The following PATJ variants were observed in gnomAD, a reference collection of about 807,000 sequenced individuals.
The protein encoded by PATJ is inaD-like protein.
Under a neutral mutation model 224.9 loss-of-function variants are expected in PATJ, and 190 were observed. The ratio of observed to expected loss-of-function variants is 0.84; its 90% CI spans 0.75 to 0.95. The LOEUF is 0.95. Ranked by LOEUF, PATJ falls within the 40% of genes least tolerant of loss-of-function variation. PATJ has a pLI of 0.00. For synonymous variants in PATJ, 769 were observed against 820.3 expected (o/e 0.94, Z 1.07); for missense variants, 2,121 against 2,270.3 (o/e 0.93, Z 1.34).
intron 27 of PATJ, among the ~76,000 whole-genome samples, chr1:61,942,061 C>T (rs1677898020): frequency 1.3e-5 from 2 of 152,066 alleles, no homozygotes; most frequent in Admixed American, 6.5e-5. Flanking sequence ...TTCATTTGGC[C>T]TTCTGGAGGT....
At chr1:62,036,619 CTT>C (rs1277888518) in intron 29 of PATJ, among the ~76,000 whole-genome samples, 2 of 151,962 alleles carry the variant, frequency 1.3e-5, no homozygotes, top group Non-Finnish European at 2.9e-5. Context: ...ATACAATAGT[CTT>C]TGAATTTAAG....
chr1:62,040,431 G>A (rs544944371), intron 30 of PATJ, among the ~76,000 whole-genome samples: 72 of 152,206 alleles, frequency 4.7e-4, no homozygotes, highest in South Asian at 2.1e-3. Flanking sequence ...AGTAGGAAGT[G>A]GGGAACTGGG....
intron 27 of PATJ, among the ~76,000 whole-genome samples, chr1:61,931,826 A>G (rs1338249592): frequency 6.6e-6 from 1 of 152,196 alleles, no homozygotes; most frequent in Non-Finnish European, 1.5e-5. Context: ...TAGTCATCAT[A>G]TAGATAAGGG....
At chr1:62,088,701 A>T (rs1462688731) in intron 33 of PATJ, among the ~76,000 whole-genome samples, 2 of 152,098 alleles carry the variant, frequency 1.3e-5, no homozygotes, top group East Asian at 1.9e-4. Context: ...CATGGCACAT[A>T]CCTTCTCCAA....
At position 61,766,383 on chromosome 1, in the gene PATJ, C is replaced by T. The variant is rs761709861; in HGVS notation, c.294C>T (p.Pro98=). The stretch of plus-strand genomic sequence containing the variant: ...TCACTAATGGAAATGTCCACAGGCC[C>T]TCTAATAACTCGACTGTATCTGGGT... ...GSITNGNVHR[P]SNNSTVSGLF... is the part of the protein sequence containing the mutation. Residue 98 remains proline, a synonymous_variant, in exon 4 of 44, where the codon CCC becomes CCT. Transcript: ENST00000642238. The T allele has an allele frequency of 5.0e-6, 8 of 1,611,716 alleles. No homozygotes were observed. The South Asian group carries it at 8.8e-5, about 18-fold the overall frequency.
In PATJ at chr1:61,927,842, T is replaced by G. The variant is rs769846720; in HGVS notation, c.3670+13T>G. ...GCCTTTACCGACCGTGAGTGCCTTTTCACTATTTAGGGTAGATGCAGAACT... is the reference window on the plus strand; with the variant it reads ...GCCTTTACCGACCGTGAGTGCCTTTGCACTATTTAGGGTAGATGCAGAACT... On this transcript the variant is annotated intron_variant, in intron 27 of 43. Transcript: ENST00000642238. 2 of 1,566,680 alleles carry G rather than the reference T, an allele frequency of 1.3e-6. No individual in the cohort carries two copies. The highest frequency in any genetic ancestry group is 2.2e-5 in the East Asian group (1 of 44,572).
chr1:61,972,190 G>A (rs149010718), intron 27 of PATJ, among the ~76,000 whole-genome samples: 2 of 151,964 alleles, frequency 1.3e-5, no homozygotes, highest in South Asian at 2.1e-4. Flanking sequence ...CTTATACCCA[G>A]AGCCTGAGCA....
intron 25 of PATJ, among the ~76,000 whole-genome samples, chr1:61,912,884 C>A (rs967768038): frequency 6.6e-6 from 1 of 152,134 alleles, no homozygotes; most frequent in Admixed American, 6.5e-5. Flanking sequence ...GTTTAAGATT[C>A]TTCAGGACAA....
intron 15 of PATJ, among the ~76,000 whole-genome samples, chr1:61,827,173 A>G (rs569397393): frequency 4.6e-5 from 7 of 152,282 alleles, no homozygotes; most frequent in Admixed American, 2.0e-4. Context: ...CGTATGCTGC[A>G]TGCATTTTGT....
At chr1:62,088,902 T>A (rs1377834663) in intron 33 of PATJ, among the ~76,000 whole-genome samples, 1 of 149,644 alleles carries the variant, frequency 6.7e-6, no homozygotes, top group East Asian at 1.9e-4. Context: ...AAACTACTGG[T>A]TGACCCTGAA....
chr1:61,749,253 G>A (rs1382646139), intron 1 of PATJ, among the ~76,000 whole-genome samples: 2 of 151,550 alleles, frequency 1.3e-5, no homozygotes, highest in Admixed American at 6.6e-5. Flanking sequence ...TGATCCACCC[G>A]CCTCAGCCTC....
chr1:61,770,945 G>T lies in PATJ; in HGVS notation c.525-486G>T, dbSNP rs183485571. Among the ~76,000 whole-genome samples the T allele has an allele frequency of 4.4e-3, 666 of 151,710 alleles. 2 individuals carry two copies. Among genetic ancestry groups the T allele is most frequent in the Non-Finnish European group, 7.6e-3 (516 of 67,910 alleles). ...AAAAAAAAGCTCAGATATAAATTTG[G>T]AAGTAATCTCTATGAATTTTCAAGG... On this transcript the variant is annotated intron_variant, in intron 5 of 43. Coordinates refer to ENST00000642238, the MANE Select transcript of PATJ (RefSeq NM_001350145.3).
intron 26 of PATJ, among the ~76,000 whole-genome samples, chr1:61,923,774 T>G (rs1267616285): frequency 6.7e-6 from 1 of 149,318 alleles, no homozygotes; most frequent in Non-Finnish European, 1.5e-5. Context: ...AAAAAAAAAT[T>G]AGCCGGCTGT....
intron 33 of PATJ, among the ~76,000 whole-genome samples, chr1:62,089,285 T>C (rs1222841165): frequency 6.6e-6 from 1 of 152,002 alleles, no homozygotes; most frequent in Non-Finnish European, 1.5e-5. Context: ...TGCTGGTGGC[T>C]GATAGCTTGA....
intron 24 of PATJ, among the ~76,000 whole-genome samples, chr1:61,903,589 G>A (rs1332230906): frequency 2.0e-5 from 3 of 151,990 alleles, no homozygotes; most frequent in African/African-American, 7.3e-5. Flanking sequence ...TTATGGATTT[G>A]TTTGCTATTC....
chr1:61,847,507 T>G (rs1455141161), intron 17 of PATJ, among the ~76,000 whole-genome samples: 1 of 152,238 alleles, frequency 6.6e-6, no homozygotes, highest in African/African-American at 2.4e-5. Flanking sequence ...CGTATCAGTT[T>G]AATCTATCTT....
At chr1:61,942,439 C>T (rs1013043536) in intron 27 of PATJ, among the ~76,000 whole-genome samples, 3 of 152,048 alleles carry the variant, frequency 2.0e-5, no homozygotes, top group African/African-American at 7.2e-5. Context: ...AATCACTGCA[C>T]ATTCACTAGA....
rs1042618080 is a variant in PATJ at position 61,827,441 on chromosome 1, A to G, written c.1838A>G (p.Tyr613Cys). The change falls in exon 16 of 44, where the codon TAT becomes TGT. Residue 613 changes from tyrosine to cysteine, a missense_variant. Physicochemically the swap from Tyr to Cys is radical, Grantham distance 194. Transcript: ENST00000642238. ...ELLEVNGMQLYGKSRREAVSF... is the reference protein window; with the variant it reads ...ELLEVNGMQLCGKSRREAVSF... ...TCCTAGGTCAATGGCATGCAGCTTT[A>G]TGGAAAATCTCGCCGAGAAGCAGTC... 1.2e-6 allele frequency: 2 copies of G among 1,613,882 alleles called. No individual in the cohort carries two copies.
intron 7 of PATJ, among the ~76,000 whole-genome samples, chr1:61,783,224 A>G (rs917643029): frequency 3.9e-5 from 6 of 152,312 alleles, no homozygotes; most frequent in Non-Finnish European, 7.4e-5. Context: ...TGGGAATTTG[A>G]GTAGGATAGG....
Sources: allele counts gnomAD v4.1 joint callset (sites outside exome capture counted in the v4.1 genomes callset), GRCh38; gene constraint gnomAD v4.1.1; transcripts MANE v1.5; gene names NCBI Gene and HGNC (gene_info 2026-07-23, HGNC 2026-07-21).